The following SH3BGRL2 variants were observed in gnomAD, a reference collection of about 807,000 sequenced individuals.
The protein encoded by SH3BGRL2 is SH3 domain-binding glutamic acid-rich-like protein 2.
Under a neutral mutation model 14.8 loss-of-function variants are expected in SH3BGRL2, and 21 were observed. That is an observed-to-expected ratio of 1.42 (90% CI 1.01 to 2.05). The LOEUF is 2.05. Among genes scored for constraint, SH3BGRL2 ranks in the 30% most tolerant of loss-of-function variants. SH3BGRL2 has a pLI of 0.00. For synonymous variants in SH3BGRL2, 50 were observed against 47.8 expected, an observed-to-expected ratio of 1.05 and a Z score of -0.19; for missense variants, 147 against 130.8, an observed-to-expected ratio of 1.12 and a Z score of -0.61.
At chr6:79,580,019 T>C in the SH3BGRL2 span, among the ~76,000 whole-genome samples, 3 of 152,100 alleles carry the variant, frequency 2.0e-5, no homozygotes, top group Non-Finnish European at 4.4e-5. Context: ...TAAAACAGAC[T>C]TTAAACCAAC....
At chr6:79,555,729 CG>C in the SH3BGRL2 span, among the ~76,000 whole-genome samples, 1 of 152,124 alleles carries the variant, frequency 6.6e-6, no homozygotes, top group Admixed American at 6.5e-5. Context: ...AGGATGGTCT[CG>C]ATCTCCTGAC....
the SH3BGRL2 span, among the ~76,000 whole-genome samples, chr6:79,617,404 A>G: frequency 0.018 from 2,731 of 152,162 alleles, 84 homozygotes; most frequent in African/African-American, 0.063. Flanking sequence ...CATAATCATA[A>G]TATTATTATC....
intron 2 of SH3BGRL2, 36 bp from the exon 3 acceptor site, chr6:79,696,449 T>G: frequency 7.0e-7 from 1 of 1,430,322 alleles, no homozygotes; most frequent in Non-Finnish European, 9.6e-7. Flanking sequence ...ATTGTTTGCT[T>G]TTGTTGGTTT....
chr6:79,700,102 A>G lies in SH3BGRL2; in HGVS notation c.*593A>G, dbSNP rs1770423969. 1 of 152,244 alleles carries G rather than the reference A, an allele frequency of 6.6e-6. No individual in the cohort carries two copies. Among genetic ancestry groups the G allele is most frequent in the Non-Finnish European group, 1.5e-5 (1 of 68,084 alleles). The allele number at this position is 152,244 out of a possible 1,614,324, so 9.4% of individuals were successfully genotyped here. ...GTAATGGAAACTCTTACCTCCACATATTATCCTACAGATGTTTCCAGAAAT... is the reference window on the plus strand; with the variant it reads ...GTAATGGAAACTCTTACCTCCACATGTTATCCTACAGATGTTTCCAGAAAT... On this transcript the variant is annotated 3_prime_UTR_variant, in exon 4 of 4. Transcript: ENST00000369838.
At chr6:79,696,436 A>T (rs1248923882) in intron 2 of SH3BGRL2, 49 bp from the exon 3 acceptor site, 3 of 1,334,772 alleles carry the variant, frequency 2.2e-6, no homozygotes, top group Non-Finnish European at 3.1e-6. Flanking sequence ...AAATATAAAG[A>T]TAATTGTTTG....
rs548705042 is a variant in SH3BGRL2, at chr6:79,673,492, A to G, written c.46-122A>G. On this transcript the variant is annotated intron_variant, in intron 1 of 3. Coordinates refer to ENST00000369838, the MANE Select transcript of SH3BGRL2 (RefSeq NM_031469.4). Reference sequence around the variant, plus strand: ...TGGATATCTAGTGAGTGGACAGTGCATGACACCTACATAAATCACCTCTTT... The same window carrying G: ...TGGATATCTAGTGAGTGGACAGTGCGTGACACCTACATAAATCACCTCTTT... 5.9e-5 allele frequency: 55 copies of G among 938,886 alleles called. No individual in the cohort carries two copies. The East Asian group carries it at 1.3e-3, about 23-fold the overall frequency. The allele number at this position is 938,886 out of a possible 1,614,324, so 58.2% of individuals were successfully genotyped here.
intron 2 of SH3BGRL2, among the ~76,000 whole-genome samples, chr6:79,695,700 T>TA (rs1280597563): frequency 2.0e-5 from 3 of 152,222 alleles, no homozygotes; most frequent in African/African-American, 7.2e-5. Context: ...ATAACATTTA[T>TA]AAGACACTTA....
chr6:79,582,876 A>C, the SH3BGRL2 span, among the ~76,000 whole-genome samples: 1 of 152,218 alleles, frequency 6.6e-6, no homozygotes, highest in African/African-American at 2.4e-5. Flanking sequence ...AAATTTTTGC[A>C]ATCTACCCAT....
the SH3BGRL2 span, chr6:79,561,404 T>C: frequency 6.6e-6 from 1 of 152,164 alleles, no homozygotes; most frequent in Non-Finnish European, 1.5e-5. Context: ...TTGTACTATA[T>C]TGTAAATATG....
the SH3BGRL2 span, among the ~76,000 whole-genome samples, chr6:79,606,312 C>G: frequency 6.6e-6 from 1 of 152,182 alleles, no homozygotes; most frequent in Non-Finnish European, 1.5e-5. Flanking sequence ...ACTAACTCTT[C>G]TTAGTCATAA....
chr6:79,589,292 A>G, the SH3BGRL2 span, among the ~76,000 whole-genome samples: 2 of 151,384 alleles, frequency 1.3e-5, no homozygotes, highest in Non-Finnish European at 2.9e-5. Context: ...ATTCCAAAAC[A>G]GAAAGAGAAA....
the SH3BGRL2 span, among the ~76,000 whole-genome samples, chr6:79,577,910 C>G: frequency 6.6e-6 from 1 of 152,340 alleles, no homozygotes; most frequent in Admixed American, 6.5e-5. Context: ...ATGGGGCACT[C>G]CCACCCAAAT....
chr6:79,677,835 T>G (rs528997409), intron 2 of SH3BGRL2, among the ~76,000 whole-genome samples: 1 of 152,322 alleles, frequency 6.6e-6, no homozygotes, highest in East Asian at 1.9e-4. Context: ...AGCAGGATTC[T>G]TCCTTCTCTG....
At chr6:79,631,540 T>G (rs754179088) in intron 1 of SH3BGRL2, 34 bp downstream of exon 1, 32 of 1,396,200 alleles carry the variant, frequency 2.3e-5, no homozygotes, top group Non-Finnish European at 2.8e-5. Context: ...TAGGTTGGGG[T>G]CGCGGGGCGC....
chr6:79,665,500 A>T (rs867100260), intron 1 of SH3BGRL2, among the ~76,000 whole-genome samples: 3 of 152,314 alleles, frequency 2.0e-5, no homozygotes, highest in Middle Eastern at 3.4e-3. Context: ...TGGGTTTTTT[A>T]AAATTAAAAA....
At chr6:79,567,592 C>A in the SH3BGRL2 span, among the ~76,000 whole-genome samples, 3 of 152,156 alleles carry the variant, frequency 2.0e-5, no homozygotes, top group Non-Finnish European at 2.9e-5. Flanking sequence ...TCATTTTCCA[C>A]AAGGACCCAT....
chr6:79,572,270 CAT>C, the SH3BGRL2 span, among the ~76,000 whole-genome samples: 2 of 152,122 alleles, frequency 1.3e-5, no homozygotes, highest in Non-Finnish European at 2.9e-5. Context: ...GTTGTATACA[CAT>C]ATGATATCTT....
At chr6:79,650,227 A>C (rs1183027018) in intron 1 of SH3BGRL2, among the ~76,000 whole-genome samples, 2 of 152,186 alleles carry the variant, frequency 1.3e-5, no homozygotes, top group Non-Finnish European at 2.9e-5. Context: ...TCAGAAAGAT[A>C]CAAAAGTTCC....
the SH3BGRL2 span, among the ~76,000 whole-genome samples, chr6:79,563,895 C>T: frequency 2.6e-5 from 4 of 152,104 alleles, no homozygotes; most frequent in South Asian, 2.1e-4. Flanking sequence ...GGTTTTGCCA[C>T]GACAAATATC....
Sources: gnomAD v4.1 joint callset for allele counts (sites outside exome capture counted in the v4.1 genomes callset) on GRCh38, gnomAD v4.1.1 for gene constraint, MANE v1.5 for transcripts, NCBI Gene and HGNC (gene_info 2026-07-23, HGNC 2026-07-21) for gene names.